The following NMS variants were observed in gnomAD, a reference collection of about 807,000 sequenced individuals.
The protein encoded by NMS is neuromedin S.
NMS carries 30 observed loss-of-function variants against 32.2 expected under a neutral mutation model. The observed-to-expected ratio is 0.93, with a 90% CI of 0.70 to 1.26. The LOEUF (loss-of-function observed/expected upper bound fraction) is 1.26. NMS is among the 50% of genes most tolerant of loss of function. NMS has a pLI of 0.00. For synonymous variants in NMS, 76 were observed against 58.5 expected (o/e 1.30, Z -1.37); for missense variants, 190 against 186.3 (o/e 1.02, Z -0.12).
At chr2:100,473,939 A>T (rs527630702) in intron 3 of NMS, among the ~76,000 whole-genome samples, 7 of 152,162 alleles carry the variant, frequency 4.6e-5, no homozygotes, top group Non-Finnish European at 8.8e-5. Context: ...GCACTTTGGG[A>T]GGCCGAGCTG....
intron 9 of NMS, among the ~76,000 whole-genome samples, chr2:100,482,588 C>T (rs948682819): frequency 1.3e-5 from 2 of 152,070 alleles, no homozygotes; most frequent in Admixed American, 6.6e-5. Flanking sequence ...GCTGTCACTG[C>T]GATGGGGATG....
intron 5 of NMS, among the ~76,000 whole-genome samples, chr2:100,479,057 A>C (rs1677165258): frequency 6.6e-6 from 1 of 152,178 alleles, no homozygotes; most frequent in Admixed American, 6.5e-5. Flanking sequence ...TGCTTCTAGG[A>C]CAAGGCGCTC....
chr2:100,481,011 T>C (rs1218557666), intron 7 of NMS, 115 bp from the exon 8 acceptor site: 2 of 973,448 alleles, frequency 2.1e-6, no homozygotes, highest in Admixed American at 1.7e-5. Context: ...TTCCCAGAGG[T>C]TGTTGGTGCC....
At chr2:100,482,336 T>G in intron 9 of NMS, 25 bp downstream of exon 9, 1 of 1,610,642 alleles carries the variant, frequency 6.2e-7, no homozygotes, top group East Asian at 2.2e-5. Context: ...ATCAGCTTCA[T>G]CACCCTTTTT....
intron 7 of NMS, among the ~76,000 whole-genome samples, chr2:100,480,866 A>G (rs907736640): frequency 3.3e-5 from 5 of 152,172 alleles, no homozygotes; most frequent in Non-Finnish European, 7.3e-5. Flanking sequence ...CTGCCAGAGC[A>G]CAAACCCCAA....
At position 100,481,059 on chromosome 2, in the gene NMS, T is replaced by G; in HGVS notation, c.373-67T>G. 3.9e-6 allele frequency: 6 copies of G among 1,526,172 alleles called. No individual in the cohort carries two copies. In the South Asian group the frequency reaches 6.7e-5, roughly 17 times the overall value. The allele number at this position is 1,526,172 out of a possible 1,614,324, so 94.5% of individuals were successfully genotyped here. On this transcript the variant is annotated intron_variant, in intron 7 of 9. Coordinates refer to ENST00000376865, the MANE Select transcript of NMS (RefSeq NM_001011717.1). ...CCACCCATTTTGAAAACTGTTCCTA[T>G]AGACATTTTTGAAGAACTTGTAATG...
At chr2:100,481,643 A>G (rs965455007) in intron 8 of NMS, among the ~76,000 whole-genome samples, 1 of 152,254 alleles carries the variant, frequency 6.6e-6, no homozygotes, top group African/African-American at 2.4e-5. Flanking sequence ...TTGCACAGAA[A>G]AAATGAGCAA....
At chr2:100,471,875 T>C (rs1188574806) in intron 1 of NMS, among the ~76,000 whole-genome samples, 2 of 152,220 alleles carry the variant, frequency 1.3e-5, no homozygotes, top group East Asian at 1.9e-4. Context: ...CTCAAAATAG[T>C]TGAAAGCAGT....
chr2:100,482,901 A>G (rs1677247640), intron 9 of NMS, among the ~76,000 whole-genome samples: 1 of 152,136 alleles, frequency 6.6e-6, no homozygotes, highest in South Asian at 2.1e-4. Context: ...GTCCCAAGGA[A>G]ATAAGGCTGC....
chr2:100,476,243 G>A (rs956647118), intron 3 of NMS, among the ~76,000 whole-genome samples: 2 of 152,140 alleles, frequency 1.3e-5, no homozygotes, highest in Non-Finnish European at 2.9e-5. Flanking sequence ...ACCAGGAGCT[G>A]TAAAAATAGC....
Position 100,482,283 on chromosome 2 carries a change from A to C in NMS, c.421A>C (p.Asn141His). The C allele has an allele frequency of 6.2e-7, 1 of 1,613,652 alleles. No homozygotes were observed. Among genetic ancestry groups the C allele is most frequent in the Non-Finnish European group, 8.5e-7 (1 of 1,179,868 alleles). The change falls in exon 9 of 10, where the codon AAT (asparagine) becomes CAT (histidine). Residue 141 changes from asparagine to histidine, a missense_variant. By Grantham distance (68) the Asn-to-His change is moderately conservative (BLOSUM62 1). Transcript: ENST00000376865. ...TTGCTCCTTTTTTTTTCAGCCCAGG[A>C]ATGGAAGAAACATTGAAGATGAGGC... ...GRPFFLFRPR[N>H]GRNIEDEAQI...
intron 1 of NMS, among the ~76,000 whole-genome samples, 200 bp downstream of exon 1, chr2:100,470,764 C>A (rs924573546): frequency 6.6e-6 from 1 of 152,196 alleles, no homozygotes; most frequent in African/African-American, 2.4e-5. Context: ...CTAAAGGAGA[C>A]TTTTCCCTGT....
At chr2:100,470,916 G>A (rs1451679546) in intron 1 of NMS, among the ~76,000 whole-genome samples, 2 of 152,224 alleles carry the variant, frequency 1.3e-5, no homozygotes, top group African/African-American at 4.8e-5. Context: ...GAAGAGACGA[G>A]GACAGAGTTG....
intron 1 of NMS, among the ~76,000 whole-genome samples, chr2:100,471,525 C>T (rs553021911): frequency 1.8e-4 from 27 of 152,232 alleles, no homozygotes; most frequent in African/African-American, 6.5e-4. Context: ...CCAGGTTCTG[C>T]CTCTTTGCTC....
intron 3 of NMS, among the ~76,000 whole-genome samples, chr2:100,475,166 G>A (rs1000055394): frequency 1.3e-5 from 2 of 152,200 alleles, no homozygotes; most frequent in Non-Finnish European, 2.9e-5. Flanking sequence ...AGAGCAAGGG[G>A]TCACTCAGTG....
At chr2:100,474,123 C>T (rs1373400163) in intron 3 of NMS, among the ~76,000 whole-genome samples, 1 of 152,168 alleles carries the variant, frequency 6.6e-6, no homozygotes, top group Non-Finnish European at 1.5e-5. Context: ...CGAGATCATG[C>T]CACCACACTC....
At chr2:100,474,774 A>G (rs1024728428) in intron 3 of NMS, among the ~76,000 whole-genome samples, 6 of 152,236 alleles carry the variant, frequency 3.9e-5, no homozygotes, top group African/African-American at 1.4e-4. Context: ...CTCAAATTTC[A>G]TGAATACATC....
At chr2:100,475,972 C>T (rs1481888750) in intron 3 of NMS, among the ~76,000 whole-genome samples, 1 of 140,794 alleles carries the variant, frequency 7.1e-6, no homozygotes, top group African/African-American at 2.7e-5. Flanking sequence ...GCACTCAAGC[C>T]TGGGTGATGG....
chr2:100,477,891 G>A (rs551738409), intron 5 of NMS, among the ~76,000 whole-genome samples: 1 of 152,290 alleles, frequency 6.6e-6, no homozygotes, highest in Non-Finnish European at 1.5e-5. Context: ...ACAGATTTGA[G>A]TTACCCTCGA....
Sources: allele counts gnomAD v4.1 joint callset (sites outside exome capture counted in the v4.1 genomes callset), GRCh38; gene constraint gnomAD v4.1.1; transcripts MANE v1.5; gene names NCBI Gene and HGNC (gene_info 2026-07-23, HGNC 2026-07-21).